SLC20A2: variants seen among roughly 807,000 people sequenced by gnomAD.
SLC20A2 encodes solute carrier family 20 member 2, also known as sodium-dependent phosphate transporter 2.
A neutral mutation model predicts 61.0 loss-of-function variants in SLC20A2; 30 were observed. The ratio of observed to expected loss-of-function variants is 0.49; its 90% CI spans 0.37 to 0.67. SLC20A2 has a LOEUF of 0.67. Among genes scored for constraint, SLC20A2 ranks in the 30% least tolerant of loss-of-function variants. The pLI is 0.00. For missense variants in SLC20A2, 626 were observed against 866.4 expected, an observed-to-expected ratio of 0.72 and a Z score of 3.48; for synonymous variants, 351 against 353.3, an observed-to-expected ratio of 0.99 and a Z score of 0.07.
At chr8:42,466,169 C>T (rs1807144664) in intron 2 of SLC20A2, among the ~76,000 whole-genome samples, 1 of 152,184 alleles carries the variant, frequency 6.6e-6, no homozygotes, top group African/African-American at 2.4e-5. Context: ...TAGTCCTGCT[C>T]TGTTGCCCAG....
At position 42,437,947 on chromosome 8, in the gene SLC20A2, C is replaced by G. The variant is rs909415661; in HGVS notation, c.935-370G>C. ...TCGAATATAAGCGAAGGAAACACTC[C>G]CTACTATTTCATGGCACTTATCTCC... On this transcript the variant is annotated intron_variant, in intron 7 of 10. Transcript: ENST00000520262. The surrounding 1 kb of genome is among the most constrained non-coding windows in gnomAD (Gnocchi z 6.4). Among the ~76,000 whole-genome samples the G allele has an allele frequency of 6.6e-6, 1 of 151,066 alleles. No homozygotes were observed. The highest frequency in any genetic ancestry group is 6.6e-5 in the Admixed American group (1 of 15,108).
chr8:42,515,917 G>A (rs867987215), intron 1 of SLC20A2, among the ~76,000 whole-genome samples: 2 of 152,128 alleles, frequency 1.3e-5, no homozygotes, highest in Middle Eastern at 3.2e-3. Flanking sequence ...TCCACAGGTC[G>A]GTATGCAAGC....
At chr8:42,464,414 G>A (rs758162505) in intron 3 of SLC20A2, among the ~76,000 whole-genome samples, 8 of 151,540 alleles carry the variant, frequency 5.3e-5, no homozygotes, top group African/African-American at 9.7e-5. Flanking sequence ...GAGCCACTGC[G>A]CCTGACCTGG....
intron 1 of SLC20A2, among the ~76,000 whole-genome samples, chr8:42,513,982 G>A (rs1235450720): frequency 1.3e-5 from 2 of 152,250 alleles, no homozygotes; most frequent in African/African-American, 4.8e-5. Flanking sequence ...GATATGAATG[G>A]GAGAAGAGGT....
intron 8 of SLC20A2, among the ~76,000 whole-genome samples, chr8:42,433,277 C>G (rs1336559642): frequency 2.6e-5 from 4 of 152,152 alleles, no homozygotes; most frequent in African/African-American, 9.7e-5. Context: ...CTTTCTAGTT[C>G]TAGGAATTTG....
At chr8:42,446,661 A>G (rs910175887) in intron 5 of SLC20A2, among the ~76,000 whole-genome samples, 1 of 152,192 alleles carries the variant, frequency 6.6e-6, no homozygotes, top group Non-Finnish European at 1.5e-5. Context: ...AAAATAAAAC[A>G]TCCACCTTTC....
At chr8:42,443,104 T>A (rs1419711479) in intron 6 of SLC20A2, among the ~76,000 whole-genome samples, 2 of 150,278 alleles carry the variant, frequency 1.3e-5, no homozygotes, top group Non-Finnish European at 3.0e-5. Flanking sequence ...CGTTTTATTA[T>A]ATATGTTATA....
intron 1 of SLC20A2, among the ~76,000 whole-genome samples, chr8:42,478,571 T>C (rs1808335359): frequency 6.6e-6 from 1 of 152,082 alleles, no homozygotes; most frequent in Non-Finnish European, 1.5e-5. Context: ...GCAGCCTCAA[T>C]CTAGGGTGTA....
intron 5 of SLC20A2, among the ~76,000 whole-genome samples, chr8:42,453,438 G>A (rs1405318731): frequency 1.3e-5 from 2 of 152,126 alleles, no homozygotes; most frequent in African/African-American, 4.8e-5. Flanking sequence ...ATCAAACTAA[G>A]CCTAAGAAAT....
intron 1 of SLC20A2, among the ~76,000 whole-genome samples, chr8:42,519,574 G>C (rs1355886895): frequency 6.6e-6 from 1 of 152,150 alleles, no homozygotes; most frequent in East Asian, 1.9e-4. Flanking sequence ...TTGGGGTCAA[G>C]AACTACTGCT....
At chr8:42,480,860 T>TA (rs1358648856) in intron 1 of SLC20A2, among the ~76,000 whole-genome samples, 1 of 152,132 alleles carries the variant, frequency 6.6e-6, no homozygotes, top group Non-Finnish European at 1.5e-5. Context: ...CAAGTCTCAC[T>TA]ATGTTGCCCA....
At chr8:42,464,906 C>T (rs1031191101) in intron 3 of SLC20A2, among the ~76,000 whole-genome samples, 4 of 151,994 alleles carry the variant, frequency 2.6e-5, no homozygotes, top group Non-Finnish European at 4.4e-5. Context: ...ACTCGGGAGG[C>T]GGAGGTTGCA....
intron 1 of SLC20A2, among the ~76,000 whole-genome samples, chr8:42,522,846 AGGTATG>A: frequency 1.5e-5 from 1 of 68,176 alleles, no homozygotes; most frequent in Non-Finnish European, 4.5e-5. Context: ...CTAAGACTAT[AGGTATG>A]CATCACCACA....
At chr8:42,453,460 C>T (rs1805901546) in intron 5 of SLC20A2, among the ~76,000 whole-genome samples, 2 of 152,060 alleles carry the variant, frequency 1.3e-5, no homozygotes, top group South Asian at 4.1e-4. Context: ...ATCAACTTCA[C>T]AATAATTAAG....
chr8:42,541,460 G>C (rs1202308957), intron 1 of SLC20A2: 1 of 147,392 alleles, frequency 6.8e-6, no homozygotes, highest in African/African-American at 2.5e-5. Flanking sequence ...ACGCGCCCGG[G>C]GGCGGCACTG....
At chr8:42,476,817 T>A (rs1215157078) in intron 1 of SLC20A2, among the ~76,000 whole-genome samples, 1 of 152,134 alleles carries the variant, frequency 6.6e-6, no homozygotes, top group Admixed American at 6.5e-5. Context: ...AAAGGAACAT[T>A]CATTTCTCCT....
chr8:42,526,757 G>A (rs1333108495), intron 1 of SLC20A2, among the ~76,000 whole-genome samples: 1 of 151,746 alleles, frequency 6.6e-6, no homozygotes, highest in Non-Finnish European at 1.5e-5. Flanking sequence ...ATAATGTATT[G>A]ATATTGGTTC....
intron 1 of SLC20A2, among the ~76,000 whole-genome samples, chr8:42,507,700 T>C (rs1810790987): frequency 6.6e-6 from 1 of 152,238 alleles, no homozygotes; most frequent in African/African-American, 2.4e-5. Flanking sequence ...CAGAAAGTGG[T>C]GTCAATGACA....
At chr8:42,519,770 C>T (rs1190538214) in intron 1 of SLC20A2, among the ~76,000 whole-genome samples, 9 of 152,106 alleles carry the variant, frequency 5.9e-5, no homozygotes. Context: ...CTTAAAGTGA[C>T]TTAAATTTAT....
Sources: allele counts gnomAD v4.1 joint callset (sites outside exome capture counted in the v4.1 genomes callset), GRCh38; gene constraint gnomAD v4.1.1; non-coding constraint Gnocchi (gnomAD v3.1); transcripts MANE v1.5; gene names NCBI Gene and HGNC (gene_info 2026-07-23, HGNC 2026-07-21).